Variants in PRIMA1 observed in about 807,000 individuals in gnomAD.
PRIMA1 encodes proline-rich membrane anchor 1.
A neutral mutation model predicts 17.5 loss-of-function variants in PRIMA1; 7 were observed. The ratio of observed to expected loss-of-function variants is 0.40; its 90% CI spans 0.23 to 0.75. The LOEUF is 0.75. Ranked by LOEUF, PRIMA1 falls within the 30% of genes least tolerant of loss-of-function variation. PRIMA1 has a pLI of 0.37. For synonymous variants in PRIMA1, 97 were observed against 77.9 expected (o/e 1.25, Z -1.29); for missense variants, 200 against 201.8 (o/e 0.99, Z 0.05).
intron 3 of PRIMA1, among the ~76,000 whole-genome samples, chr14:93,773,724 G>C (rs561194956): frequency 7.2e-4 from 110 of 152,292 alleles, no homozygotes; most frequent in African/African-American, 2.5e-3. Context: ...CACAGATCTG[G>C]GCCTGCCACA....
At chr14:93,748,263 C>A (rs1214390379) in intron 3 of PRIMA1, among the ~76,000 whole-genome samples, 2 of 151,808 alleles carry the variant, frequency 1.3e-5, no homozygotes, top group Non-Finnish European at 2.9e-5. Flanking sequence ...CCACAGGGAG[C>A]AAGGACAATG....
At chr14:93,735,215 C>A (rs2076141679) in intron 4 of PRIMA1, among the ~76,000 whole-genome samples, 1 of 152,180 alleles carries the variant, frequency 6.6e-6, no homozygotes, top group African/African-American at 2.4e-5. Context: ...GGCGCACACT[C>A]TTCCCCCAAA....
intron 3 of PRIMA1, among the ~76,000 whole-genome samples, chr14:93,755,363 AC>A: frequency 6.6e-6 from 1 of 152,142 alleles, no homozygotes; most frequent in East Asian, 1.9e-4. Context: ...TCTTTTTTTT[AC>A]GAGCTGAATG....
chr14:93,721,580 G>A, intron 4 of PRIMA1, 34 bp from the exon 5 acceptor site: 2 of 1,336,342 alleles, frequency 1.5e-6, no homozygotes, highest in East Asian at 4.6e-5. Flanking sequence ...GAAAGGCAAA[G>A]GAGGGGGAGG....
chr14:93,768,886 A>C (rs1297664450), intron 3 of PRIMA1, among the ~76,000 whole-genome samples: 4 of 149,036 alleles, frequency 2.7e-5, no homozygotes, highest in Non-Finnish European at 5.9e-5. Flanking sequence ...GCTCACCGCG[A>C]CCTCCACCTC....
intron 3 of PRIMA1, among the ~76,000 whole-genome samples, chr14:93,757,267 C>CT (rs1449825174): frequency 6.6e-6 from 1 of 152,104 alleles, no homozygotes; most frequent in Non-Finnish European, 1.5e-5. Context: ...TACTTAATGG[C>CT]TGCCCCTCTG....
At chr14:93,788,992 G>C (rs920267939), upstream of PRIMA1, among the ~76,000 whole-genome samples, 2 of 152,124 alleles carry the variant, frequency 1.3e-5, no homozygotes, top group African/African-American at 2.4e-5. Context: ...CTCCCGCTGG[G>C]GCAGCAAAGC....
chr14:93,757,266 G>T (rs1368969113), intron 3 of PRIMA1, among the ~76,000 whole-genome samples: 5 of 152,066 alleles, frequency 3.3e-5, no homozygotes, highest in Non-Finnish European at 7.3e-5. Context: ...TTACTTAATG[G>T]CTGCCCCTCT....
At chr14:93,779,842 A>G (rs1885329241) in intron 2 of PRIMA1, among the ~76,000 whole-genome samples, 1 of 152,214 alleles carries the variant, frequency 6.6e-6, no homozygotes, top group Non-Finnish European at 1.5e-5. Context: ...AACCTCACCC[A>G]GAGAGGCCTC....
intron 3 of PRIMA1, among the ~76,000 whole-genome samples, chr14:93,768,789 A>T (rs1884967854): frequency 6.7e-6 from 1 of 150,308 alleles, no homozygotes. Flanking sequence ...GTACTTAAAA[A>T]AGATATGATC....
At chr14:93,728,205 CAT>C (rs1212203169) in intron 4 of PRIMA1, among the ~76,000 whole-genome samples, 1 of 152,212 alleles carries the variant, frequency 6.6e-6, no homozygotes, top group Non-Finnish European at 1.5e-5. Context: ...ACAACGGACT[CAT>C]ATGGCCCAAG....
intron 4 of PRIMA1, among the ~76,000 whole-genome samples, chr14:93,727,050 C>T (rs59208121): frequency 0.099 from 15,003 of 152,218 alleles, 806 homozygotes; most frequent in Middle Eastern, 0.13. Context: ...GCCTCGAGGG[C>T]GTCACCGTGA....
intron 3 of PRIMA1, among the ~76,000 whole-genome samples, chr14:93,751,535 CAA>C (rs1187441323): frequency 6.6e-6 from 1 of 152,178 alleles, no homozygotes; most frequent in Non-Finnish European, 1.5e-5. Context: ...AAGCATCAAA[CAA>C]GAGATGAAAT....
chr14:93,768,809 C>CAT (rs1555417546), intron 3 of PRIMA1, among the ~76,000 whole-genome samples: 1 of 138,856 alleles, frequency 7.2e-6, no homozygotes, highest in Non-Finnish European at 1.5e-5. Context: ...CACTTTTTTT[C>CAT]TTTTTTTTTT....
At chr14:93,740,062 C>CA in intron 3 of PRIMA1, among the ~76,000 whole-genome samples, 1 of 41,618 alleles carries the variant, frequency 2.4e-5, no homozygotes, top group Middle Eastern at 0.024. Context: ...AAGACTCCAG[C>CA]TAAAAAAAAA....
rs577448914 is a variant in PRIMA1 at position 93,721,613 on chromosome 14, T to C, written c.360-67A>G. On this transcript the variant is annotated intron_variant, in intron 4 of 4. Coordinates refer to ENST00000393140, the MANE Select transcript of PRIMA1 (RefSeq NM_178013.4). ...AGGCAGGGACACCATTAGTTATCAC[T>C]GATGGTGGGGTGTAACCTCCAGCTA... 129 of 950,244 alleles carry C rather than the reference T, an allele frequency of 1.4e-4. No homozygotes were observed. The Middle Eastern group carries it at 1.7e-3, about 12-fold the overall frequency. 58.9% of individuals were successfully genotyped at this position (950,244 alleles called of 1,614,324 possible).
intron 3 of PRIMA1, among the ~76,000 whole-genome samples, chr14:93,743,281 T>C (rs767666681): frequency 2.0e-5 from 3 of 152,186 alleles, no homozygotes; most frequent in Non-Finnish European, 2.9e-5. Context: ...GCTGGGGGCC[T>C]CTGGGCCTCA....
At chr14:93,746,604 AAG>A (rs1344632932) in intron 3 of PRIMA1, among the ~76,000 whole-genome samples, 4 of 152,060 alleles carry the variant, frequency 2.6e-5, no homozygotes, top group Non-Finnish European at 5.9e-5. Context: ...GGGAGGACTT[AAG>A]AGAGGGTGGT....
intron 3 of PRIMA1, among the ~76,000 whole-genome samples, chr14:93,744,956 G>A (rs2076207518): frequency 6.6e-6 from 1 of 152,186 alleles, no homozygotes; most frequent in Non-Finnish European, 1.5e-5. Context: ...CTGTGCAGGA[G>A]GGAAGCAGCT....
Sources: allele counts gnomAD v4.1 joint callset (sites outside exome capture counted in the v4.1 genomes callset), GRCh38; gene constraint gnomAD v4.1.1; transcripts MANE v1.5; gene names NCBI Gene and HGNC (gene_info 2026-07-23, HGNC 2026-07-21).